Variants in CCDC85A observed in about 807,000 individuals in gnomAD.
CCDC85A encodes coiled-coil domain-containing protein 85A.
CCDC85A carries 38 observed loss-of-function variants against 50.2 expected under a neutral mutation model. The observed-to-expected ratio is 0.76, with a 90% CI of 0.58 to 0.99. CCDC85A has a LOEUF of 0.99. Among genes scored for constraint, CCDC85A ranks in the 50% least tolerant of loss-of-function variants. The pLI, the probability that CCDC85A is intolerant of heterozygous loss-of-function variation, is 0.00. For missense variants in CCDC85A, 820 were observed against 742.0 expected (o/e 1.11, Z -1.22); for synonymous variants, 366 against 301.4 (o/e 1.21, Z -2.22).
At position 56,321,864 on chromosome 2, in the gene CCDC85A, G is replaced by A. The variant is rs543975331; in HGVS notation, c.1241-21015G>A. Among the ~76,000 whole-genome samples the A allele has an allele frequency of 1.6e-3, 236 of 152,234 alleles. 1 individual carries two copies. Among genetic ancestry groups the A allele is most frequent in the African/African-American group, 5.4e-3 (223 of 41,538 alleles). On this transcript the variant is annotated intron_variant, in intron 2 of 5. Transcript: ENST00000407595. ...ATCCTAAGCCAAAAGAACAAAGCTG[G>A]AGGCATCAAGCTACCTGACTTCAAA...
Position 56,204,359 on chromosome 2 carries a change from G to T in CCDC85A, c.1240+10919G>T, listed in dbSNP as rs968909058. Reference sequence around the variant, plus strand: ...TGTTCAGATTCAACAATGCAACAAAGTTCATTTATAGTGCTGAACATGTTT... The same window carrying T: ...TGTTCAGATTCAACAATGCAACAAATTTCATTTATAGTGCTGAACATGTTT... On this transcript the variant is annotated intron_variant, in intron 2 of 5. Transcript: ENST00000407595. Among the ~76,000 whole-genome samples, 8 of 152,226 alleles carry T rather than the reference G, an allele frequency of 5.3e-5. No individual in the cohort carries two copies. The East Asian group carries it at 1.5e-3, about 29-fold the overall frequency.
At chr2:56,220,441 G>T (rs993876779) in intron 2 of CCDC85A, among the ~76,000 whole-genome samples, 2 of 151,952 alleles carry the variant, frequency 1.3e-5, no homozygotes, top group Non-Finnish European at 2.9e-5. Flanking sequence ...AATTCAGTAA[G>T]CTGTCATTAA....
intron 2 of CCDC85A, among the ~76,000 whole-genome samples, chr2:56,232,448 G>A (rs1668814549): frequency 1.3e-5 from 2 of 152,120 alleles, no homozygotes; most frequent in Admixed American, 6.6e-5. Flanking sequence ...AGTATCAAGG[G>A]CAGGACCAGG....
intron 2 of CCDC85A, among the ~76,000 whole-genome samples, chr2:56,259,085 C>T (rs952723848): frequency 4.6e-5 from 7 of 152,116 alleles, no homozygotes; most frequent in Non-Finnish European, 1.0e-4. Flanking sequence ...TGACTTTTTC[C>T]TGCAGCGATT....
rs538838852 is a variant in CCDC85A, at chr2:56,365,039, C to T, written c.1318-7305C>T. 2.6e-5 allele frequency among the ~76,000 whole-genome samples: 4 copies of T among 152,298 alleles called. No homozygotes were observed. The East Asian group carries it at 7.7e-4, about 29-fold the overall frequency. On this transcript the variant is annotated intron_variant, in intron 3 of 5. Coordinates refer to ENST00000407595, the MANE Select transcript of CCDC85A (RefSeq NM_001080433.2). ...CTTACGGCATGGGAGATTTCCCATG[C>T]AACTCCTGCATGTCATGTTGGACTC... is the stretch of plus-strand genomic sequence containing the variant.
chr2:56,269,472 G>T (rs757883583), intron 2 of CCDC85A, among the ~76,000 whole-genome samples: 1 of 151,992 alleles, frequency 6.6e-6, no homozygotes, highest in Non-Finnish European at 1.5e-5. Context: ...ACATTGCTAG[G>T]GCTCCTCCTA....
chr2:56,300,268 T>G (rs544161938), intron 2 of CCDC85A, among the ~76,000 whole-genome samples: 2 of 152,204 alleles, frequency 1.3e-5, no homozygotes, highest in African/African-American at 4.8e-5. Context: ...TCCTTAAGGG[T>G]AAATACCATG....
At position 56,322,994 on chromosome 2, in the gene CCDC85A, C is replaced by T. The variant is rs187401550; in HGVS notation, c.1241-19885C>T. Among the ~76,000 whole-genome samples the T allele has an allele frequency of 2.1e-3, 316 of 152,054 alleles. 1 individual carries two copies. Among genetic ancestry groups the T allele is most frequent in the African/African-American group, 7.1e-3 (295 of 41,494 alleles). ...AAAGGATGAGTTCATGTCCTTTATACGGATATGGATGAAACTGGAAACCAT... is the reference window on the plus strand; with the variant it reads ...AAAGGATGAGTTCATGTCCTTTATATGGATATGGATGAAACTGGAAACCAT... On this transcript the variant is annotated intron_variant, in intron 2 of 5. Coordinates refer to ENST00000407595, the MANE Select transcript of CCDC85A (RefSeq NM_001080433.2).
Position 56,194,058 on chromosome 2 carries a change from C to T in CCDC85A, c.1240+618C>T, listed in dbSNP as rs184298892. ...ACATTTCTTTGCATCTAAAACGCAT[C>T]AGCTGATTCCCTTTCTACTCACTCA... On this transcript the variant is annotated intron_variant, in intron 2 of 5. Transcript: ENST00000407595. Among the ~76,000 whole-genome samples, 47 of 152,310 alleles carry T rather than the reference C, an allele frequency of 3.1e-4. No homozygotes were observed. In the South Asian group the frequency reaches 8.7e-3, roughly 28 times the overall value.
intron 2 of CCDC85A, among the ~76,000 whole-genome samples, chr2:56,311,861 T>C (rs1004642249): frequency 3.3e-5 from 5 of 152,068 alleles, no homozygotes; most frequent in Non-Finnish European, 1.5e-5. Flanking sequence ...GGGTTGTCCA[T>C]GGAAAAGCAG....
intron 2 of CCDC85A, among the ~76,000 whole-genome samples, chr2:56,294,068 A>G (rs1367144504): frequency 1.3e-5 from 2 of 152,228 alleles, no homozygotes; most frequent in African/African-American, 2.4e-5. Flanking sequence ...ATGCCCATCA[A>G]TGATAGAGTG....
At chr2:56,226,254 A>T (rs888850230) in intron 2 of CCDC85A, among the ~76,000 whole-genome samples, 1 of 152,196 alleles carries the variant, frequency 6.6e-6, no homozygotes, top group Non-Finnish European at 1.5e-5. Flanking sequence ...AAATAAATAT[A>T]ATAAACCTTG....
chr2:56,321,016 A>G (rs1673155642), intron 2 of CCDC85A, among the ~76,000 whole-genome samples: 1 of 152,190 alleles, frequency 6.6e-6, no homozygotes, highest in African/African-American at 2.4e-5. Flanking sequence ...AATCCATCAT[A>G]TAAACAGAAC....
intron 2 of CCDC85A, among the ~76,000 whole-genome samples, chr2:56,271,333 C>G (rs1169199215): frequency 6.6e-6 from 1 of 152,088 alleles, no homozygotes; most frequent in Non-Finnish European, 1.5e-5. Context: ...GAATTGGATC[C>G]AGGAAGCTAA....
At chr2:56,263,003 A>G (rs1391415634) in intron 2 of CCDC85A, among the ~76,000 whole-genome samples, 1 of 152,180 alleles carries the variant, frequency 6.6e-6, no homozygotes, top group Admixed American at 6.5e-5. Context: ...TAAAGCATTG[A>G]TTAACAAAGA....
At chr2:56,308,444 T>C (rs1000750968) in intron 2 of CCDC85A, among the ~76,000 whole-genome samples, 5 of 152,152 alleles carry the variant, frequency 3.3e-5, no homozygotes, top group Non-Finnish European at 7.3e-5. Flanking sequence ...ATGTTGGAGG[T>C]GGCAAGATGA....
chr2:56,342,828 C>A, intron 2 of CCDC85A, 51 bp from the exon 3 acceptor site: 2 of 1,217,642 alleles, frequency 1.6e-6, no homozygotes, highest in Admixed American at 2.0e-5. Context: ...CCTGACAGTA[C>A]ACCAAACAAG....
chr2:56,266,520 T>C (rs1348401004), intron 2 of CCDC85A, among the ~76,000 whole-genome samples: 2 of 149,038 alleles, frequency 1.3e-5, no homozygotes, highest in African/African-American at 4.9e-5. Context: ...TGTATAGATG[T>C]ATCAAAACAT....
chr2:56,236,818 A>T (rs1394416416), intron 2 of CCDC85A, among the ~76,000 whole-genome samples: 1 of 152,036 alleles, frequency 6.6e-6, no homozygotes, highest in African/African-American at 2.4e-5. Context: ...CAGGTCTCTT[A>T]TGTCCCCATT....
Sources: gnomAD v4.1 joint callset for allele counts (sites outside exome capture counted in the v4.1 genomes callset) on GRCh38, gnomAD v4.1.1 for gene constraint, MANE v1.5 for transcripts, NCBI Gene and HGNC (gene_info 2026-07-23, HGNC 2026-07-21) for gene names.